Variants in MB21D2 observed in about 807,000 individuals in gnomAD.
MB21D2 encodes the protein nucleotidyltransferase MB21D2.
MB21D2 carries 9 observed loss-of-function variants against 33.3 expected under a neutral mutation model. That is an observed-to-expected ratio of 0.27 (90% CI 0.16 to 0.47). The LOEUF is 0.47. Among genes scored for constraint, MB21D2 ranks in the 20% least tolerant of loss-of-function variants. The probability of loss-of-function intolerance (pLI) is 0.99; values close to 1 mark genes in which losing one functional copy is unlikely to be tolerated. For missense variants in MB21D2, 540 were observed against 624.6 expected (o/e 0.86, Z 1.44); for synonymous variants, 241 against 236.3 (o/e 1.02, Z -0.18).
At chr3:192,885,118 G>C (rs940329680) in intron 1 of MB21D2, among the ~76,000 whole-genome samples, 1 of 152,096 alleles carries the variant, frequency 6.6e-6, no homozygotes, top group Non-Finnish European at 1.5e-5. Context: ...GCAAGGGTTA[G>C]ACTAAAGACA....
intron 1 of MB21D2, among the ~76,000 whole-genome samples, chr3:192,807,944 A>G (rs2108610841): frequency 6.7e-6 from 1 of 149,606 alleles, no homozygotes; most frequent in East Asian, 2.1e-4. Context: ...TTCACACTAG[A>G]TGACCATCAA....
At chr3:192,829,944 T>C (rs995035854) in intron 1 of MB21D2, among the ~76,000 whole-genome samples, 3 of 152,182 alleles carry the variant, frequency 2.0e-5, no homozygotes, top group African/African-American at 7.2e-5. Context: ...CTCAGGCTAG[T>C]CTTGAACTCT....
At chr3:192,853,924 G>T (rs1712862611) in intron 1 of MB21D2, among the ~76,000 whole-genome samples, 1 of 152,028 alleles carries the variant, frequency 6.6e-6, no homozygotes, top group South Asian at 2.1e-4. Context: ...ATTGTCTTGG[G>T]GCACCATGAA....
intron 1 of MB21D2, among the ~76,000 whole-genome samples, chr3:192,825,150 C>T (rs1712147455): frequency 6.6e-6 from 1 of 152,172 alleles, no homozygotes; most frequent in Non-Finnish European, 1.5e-5. Flanking sequence ...CACTTACCTA[C>T]TTTATTGTTT....
chr3:192,914,961 C>T (rs1408415987), intron 1 of MB21D2, among the ~76,000 whole-genome samples: 1 of 152,192 alleles, frequency 6.6e-6, no homozygotes, highest in East Asian at 1.9e-4. Context: ...GGGCTTCAGA[C>T]TTGGCTAACA....
intron 1 of MB21D2, among the ~76,000 whole-genome samples, chr3:192,843,442 G>C (rs1438254102): frequency 6.6e-6 from 1 of 152,122 alleles, no homozygotes; most frequent in Non-Finnish European, 1.5e-5. Context: ...CAGCGTAGAG[G>C]CCAGTCCTGC....
At chr3:192,883,640 TGTA>T (rs1367356557) in intron 1 of MB21D2, among the ~76,000 whole-genome samples, 1 of 152,084 alleles carries the variant, frequency 6.6e-6, no homozygotes, top group Non-Finnish European at 1.5e-5. Context: ...ATCCAGTAGT[TGTA>T]GTTGTATCTC....
chr3:192,821,317 T>C (rs1712047831), intron 1 of MB21D2, among the ~76,000 whole-genome samples: 1 of 152,234 alleles, frequency 6.6e-6, no homozygotes, highest in Non-Finnish European at 1.5e-5. Flanking sequence ...CCAAGCTCTC[T>C]GACTCCAAAG....
intron 1 of MB21D2, among the ~76,000 whole-genome samples, chr3:192,819,112 G>C (rs1311584255): frequency 6.6e-6 from 1 of 152,168 alleles, no homozygotes; most frequent in Non-Finnish European, 1.5e-5. Flanking sequence ...TCTGAAGAAT[G>C]CTAGATCCCA....
chr3:192,891,659 A>G (rs1315051799), intron 1 of MB21D2, among the ~76,000 whole-genome samples: 1 of 152,112 alleles, frequency 6.6e-6, no homozygotes, highest in Non-Finnish European at 1.5e-5. Flanking sequence ...TAATGCTTTT[A>G]TTACTGTTAT....
intron 1 of MB21D2, among the ~76,000 whole-genome samples, chr3:192,875,899 T>C (rs1713418290): frequency 6.6e-6 from 1 of 152,186 alleles, no homozygotes; most frequent in Non-Finnish European, 1.5e-5. Context: ...CATGTTTTTT[T>C]AGAGGTTACT....
rs1338208081 is a variant in MB21D2 at position 192,917,778 on chromosome 3, C to T, written c.63G>A (p.Ala21=). The part of the protein sequence containing the change: ...AASLGCNNKP[A]FPELDFRSGA... ...CCGACCTGAAATCCAGCTCCGGGAA[C>T]GCAGGCTTGTTGTTACAGCCCAGGG... Residue 21 remains alanine (A), a synonymous_variant, in exon 1 of 2, where the codon GCG becomes GCA. Transcript: ENST00000392452. 1.9e-6 allele frequency: 3 copies of T among 1,613,778 alleles called. No individual in the cohort carries two copies. Among genetic ancestry groups the T allele is most frequent in the East Asian group, 2.2e-5 (1 of 44,884 alleles).
At chr3:192,895,788 A>G (rs909264536) in intron 1 of MB21D2, among the ~76,000 whole-genome samples, 2 of 151,998 alleles carry the variant, frequency 1.3e-5, no homozygotes, top group Non-Finnish European at 2.9e-5. Flanking sequence ...GCTGGAGTGC[A>G]GTGGCACGAT....
intron 1 of MB21D2, among the ~76,000 whole-genome samples, chr3:192,870,570 A>G (rs1713268979): frequency 6.6e-6 from 1 of 151,892 alleles, no homozygotes; most frequent in East Asian, 1.9e-4. Context: ...CACGCCTGTA[A>G]TCTCAGCTGG....
intron 1 of MB21D2, among the ~76,000 whole-genome samples, chr3:192,833,950 C>A (rs1447569351): frequency 6.6e-6 from 1 of 152,186 alleles, no homozygotes; most frequent in Non-Finnish European, 1.5e-5. Flanking sequence ...ATGACACTCA[C>A]AATATGGCAT....
chr3:192,830,767 T>C (rs1265558235), intron 1 of MB21D2, among the ~76,000 whole-genome samples: 2 of 152,202 alleles, frequency 1.3e-5, no homozygotes, highest in East Asian at 1.9e-4. Context: ...CTCGCTAGCA[T>C]GAAGAATCTC....
chr3:192,851,824 T>C (rs1234198460), intron 1 of MB21D2, among the ~76,000 whole-genome samples: 11 of 152,172 alleles, frequency 7.2e-5, no homozygotes, highest in Non-Finnish European at 1.3e-4. Context: ...TATTATTATT[T>C]ATCTTCCTCT....
chr3:192,876,933 T>A (rs940483974), intron 1 of MB21D2, among the ~76,000 whole-genome samples: 1 of 152,178 alleles, frequency 6.6e-6, no homozygotes, highest in African/African-American at 2.4e-5. Flanking sequence ...ATTCTAATAG[T>A]CCGCTGGTTG....
intron 1 of MB21D2, among the ~76,000 whole-genome samples, chr3:192,847,790 A>G (rs1712706559): frequency 6.6e-6 from 1 of 152,240 alleles, no homozygotes; most frequent in Non-Finnish European, 1.5e-5. Flanking sequence ...ACTAGAGACA[A>G]AAATGATTAT....
Sources: allele counts gnomAD v4.1 joint callset (sites outside exome capture counted in the v4.1 genomes callset), GRCh38; gene constraint gnomAD v4.1.1; transcripts MANE v1.5; gene names NCBI Gene and HGNC (gene_info 2026-07-23, HGNC 2026-07-21).